The following CFAP54 variants were observed in gnomAD, a reference collection of about 807,000 sequenced individuals.
CFAP54 encodes cilia- and flagella-associated protein 54.
In CFAP54, 290 loss-of-function variants were observed where a neutral mutation model predicts 370.4. That is an observed-to-expected ratio of 0.78 (90% CI 0.71 to 0.86). CFAP54 has a LOEUF of 0.86. Among genes scored for constraint, CFAP54 ranks in the 40% least tolerant of loss-of-function variants. The pLI is 0.00. For missense variants in CFAP54, 3,399 were observed against 3,528.7 expected (o/e 0.96, Z 0.93); for synonymous variants, 1,206 against 1,236.5 (o/e 0.98, Z 0.52).
intron 36 of CFAP54, among the ~76,000 whole-genome samples, chr12:96,655,908 T>C (rs1462491923): frequency 6.6e-6 from 1 of 152,106 alleles, no homozygotes; most frequent in Non-Finnish European, 1.5e-5. Flanking sequence ...TGTAGTTATG[T>C]TTTTGTATAA....
chr12:96,797,587 T>C (rs1958779195), intron 63 of CFAP54, among the ~76,000 whole-genome samples: 3 of 152,080 alleles, frequency 2.0e-5, no homozygotes, highest in Non-Finnish European at 4.4e-5. Flanking sequence ...AATAGTACTT[T>C]TCTTAATTAT....
chr12:96,709,731 A>C (rs992421724), intron 48 of CFAP54, among the ~76,000 whole-genome samples: 7 of 149,422 alleles, frequency 4.7e-5, no homozygotes, highest in African/African-American at 1.7e-4. Context: ...TATTATTATT[A>C]TTGTTTTCGA....
At chr12:96,853,222 A>G (rs1019678859) in intron 66 of CFAP54, among the ~76,000 whole-genome samples, 3 of 152,192 alleles carry the variant, frequency 2.0e-5, no homozygotes, top group Non-Finnish European at 4.4e-5. Context: ...TTACATTCAT[A>G]CAATGAAAAC....
At chr12:96,533,703 T>C in intron 9 of CFAP54, 89 bp from the exon 10 acceptor site, 1 of 997,578 alleles carries the variant, frequency 1.0e-6, no homozygotes. Context: ...GGATTGTGTT[T>C]TCCTGGTGCC....
At chr12:96,538,092 C>CAA (rs34150077) in intron 12 of CFAP54, among the ~76,000 whole-genome samples, 1 of 147,942 alleles carries the variant, frequency 6.8e-6, no homozygotes, top group Admixed American at 6.7e-5. Flanking sequence ...GGCCCTGTTT[C>CAA]AAAAAAAAAA....
chr12:96,637,293 C>T (rs892762704), intron 32 of CFAP54, among the ~76,000 whole-genome samples: 5 of 152,226 alleles, frequency 3.3e-5, no homozygotes, highest in Non-Finnish European at 4.4e-5. Flanking sequence ...ATCCATTCAT[C>T]GGTTGATAGA....
chr12:96,501,202 A>C, intron 2 of CFAP54: 1 of 312,162 alleles, frequency 3.2e-6, no homozygotes, highest in South Asian at 4.0e-5. Flanking sequence ...CCGGGTTAAC[A>C]GAGGGTGTGG....
At chr12:96,552,373 T>A (rs1955704347) in intron 15 of CFAP54, among the ~76,000 whole-genome samples, 1 of 152,032 alleles carries the variant, frequency 6.6e-6, no homozygotes, top group East Asian at 1.9e-4. Context: ...AAACAGGGTC[T>A]CACTCTGTTA....
At chr12:96,731,851 T>C (rs535713046) in intron 50 of CFAP54, among the ~76,000 whole-genome samples, 2 of 152,264 alleles carry the variant, frequency 1.3e-5, no homozygotes, top group East Asian at 3.9e-4. Context: ...CAATATGTGG[T>C]ATTAAATTCT....
intron 48 of CFAP54, among the ~76,000 whole-genome samples, chr12:96,716,920 G>T (rs1260879637): frequency 6.6e-6 from 1 of 152,146 alleles, no homozygotes; most frequent in Non-Finnish European, 1.5e-5. Flanking sequence ...TGTTATTTTT[G>T]CTGGTCATCC....
At chr12:96,702,797 T>G (rs1957505447) in intron 46 of CFAP54, among the ~76,000 whole-genome samples, 1 of 152,222 alleles carries the variant, frequency 6.6e-6, no homozygotes, top group Non-Finnish European at 1.5e-5. Context: ...GCCAATGTTA[T>G]TAAGCTGCAG....
intron 66 of CFAP54, among the ~76,000 whole-genome samples, chr12:96,854,406 A>G (rs1228426077): frequency 6.6e-6 from 1 of 151,440 alleles, no homozygotes; most frequent in African/African-American, 2.4e-5. Context: ...AAACCCTCAT[A>G]TATTGCTGGT....
chr12:96,563,019 T>A (rs1291955931), intron 17 of CFAP54, among the ~76,000 whole-genome samples: 2 of 152,242 alleles, frequency 1.3e-5, no homozygotes, highest in Non-Finnish European at 2.9e-5. Context: ...TTTCAAAATG[T>A]AAATAGAATT....
At chr12:96,660,809 C>A (rs935825489) in intron 38 of CFAP54, among the ~76,000 whole-genome samples, 1 of 150,996 alleles carries the variant, frequency 6.6e-6, no homozygotes, top group Non-Finnish European at 1.5e-5. Flanking sequence ...CAGGTTGTGA[C>A]CTGTGCTTCT....
chr12:96,662,719 G>C (rs1007832167), intron 38 of CFAP54, among the ~76,000 whole-genome samples: 2 of 151,922 alleles, frequency 1.3e-5, no homozygotes, highest in East Asian at 3.9e-4. Flanking sequence ...GGTTTTCACC[G>C]CACTGTTGTG....
At chr12:96,577,614 T>C (rs1170844792) in intron 20 of CFAP54, among the ~76,000 whole-genome samples, 1 of 151,802 alleles carries the variant, frequency 6.6e-6, no homozygotes, top group Non-Finnish European at 1.5e-5. Context: ...AAGTCTGACC[T>C]TAAGAAAGCT....
At chr12:96,536,159 G>A (rs1192109799) in intron 12 of CFAP54, among the ~76,000 whole-genome samples, 1 of 152,088 alleles carries the variant, frequency 6.6e-6, no homozygotes, top group Non-Finnish European at 1.5e-5. Context: ...AACATGTGCC[G>A]TGGTGGTTTG....
chr12:96,551,334 C>T (rs931582828), intron 15 of CFAP54, among the ~76,000 whole-genome samples: 5 of 152,064 alleles, frequency 3.3e-5, no homozygotes, highest in Admixed American at 6.6e-5. Flanking sequence ...GATGCCTCAA[C>T]TTGGGTAGTG....
At chr12:96,840,230 C>T (rs1172061429) in intron 66 of CFAP54, among the ~76,000 whole-genome samples, 1 of 152,194 alleles carries the variant, frequency 6.6e-6, no homozygotes, top group Non-Finnish European at 1.5e-5. Flanking sequence ...TGTGTTTAGA[C>T]CCACACGGTA....
Sources: gnomAD v4.1 joint callset for allele counts (sites outside exome capture counted in the v4.1 genomes callset) on GRCh38, gnomAD v4.1.1 for gene constraint, MANE v1.5 for transcripts, NCBI Gene and HGNC (gene_info 2026-07-23, HGNC 2026-07-21) for gene names.